Variants in CELSR3 observed in about 807,000 individuals in gnomAD.
CELSR3 encodes cadherin EGF LAG seven-pass G-type receptor 3.
In CELSR3, 73 loss-of-function variants were observed where a neutral mutation model predicts 270.0. The observed-to-expected ratio is 0.27, with a 90% CI of 0.22 to 0.33. The LOEUF (loss-of-function observed/expected upper bound fraction) is 0.33. Among genes scored for constraint, CELSR3 ranks in the 10% least tolerant of loss-of-function variants. The probability of loss-of-function intolerance (pLI) is 1.00; values close to 1 mark genes in which losing one functional copy is unlikely to be tolerated. For missense variants in CELSR3, 3,614 were observed against 4,533.8 expected (o/e 0.80, Z 5.83); for synonymous variants, 1,780 against 1,905.4 (o/e 0.93, Z 1.71).
Position 48,662,427 on chromosome 3 carries a change from C to T in CELSR3, c.208G>A (p.Val70Ile). 6.2e-7 allele frequency: 1 copy of T among 1,612,792 alleles called. No individual in the cohort carries two copies. The highest frequency in any genetic ancestry group is 8.5e-7 in the Non-Finnish European group (1 of 1,179,884). The change falls in exon 1 of 35, where the codon GTC becomes ATC. Residue 70 changes from valine (V) to isoleucine (I), a missense_variant. This residue lies in a region of CELSR3 where 470 missense variants were observed against 469.7 expected (regional missense o/e 1.00). Coordinates refer to ENST00000164024, the MANE Select transcript of CELSR3 (RefSeq NM_001407.3). The surrounding 1 kb of genome is among the most constrained non-coding windows in gnomAD (Gnocchi z 7.1). ...ALALCPESSGVREDGGPGLGV... is the reference protein window; with the variant it reads ...ALALCPESSGIREDGGPGLGV... ...AGGCCAGGCCCCCCATCCTCCCGGA[C>T]CCCGGAAGACTCCGGACAAAGAGCT...
Position 48,659,311 on chromosome 3 carries a change from C to G in CELSR3, c.3324G>C (p.Glu1108Asp). Residue 1108 changes from glutamate to aspartate, a missense_variant, in exon 1 of 35, where the codon GAG becomes GAC. Glu to Asp is a conservative substitution (Grantham distance 45). This residue lies in a region of CELSR3 where 1,331 missense variants were observed against 1,933.7 expected (regional missense o/e 0.69). Transcript: ENST00000164024. The surrounding 1 kb of genome is among the most constrained non-coding windows in gnomAD (Gnocchi z 8.1). Reference protein sequence around the residue: ...PNAHIMYQIVEGNIPELFQMD... With the variant: ...PNAHIMYQIVDGNIPELFQMD... The stretch of plus-strand genomic sequence containing the variant: ...TTTGGAACAGCTCAGGGATGTTCCC[C>G]TCCACGATCTGGTACATTATATGGG... 1 of 1,614,206 alleles carries G rather than the reference C, an allele frequency of 6.2e-7. No homozygotes were observed. The highest frequency in any genetic ancestry group is 8.5e-7 in the Non-Finnish European group (1 of 1,180,034).
Position 48,652,225 on chromosome 3 carries a change from G to A in CELSR3, c.5752-177C>T, listed in dbSNP as rs1226121895. 6.6e-6 allele frequency among the ~76,000 whole-genome samples: 1 copy of A among 152,186 alleles called. No homozygotes were observed. The highest frequency in any genetic ancestry group is 1.5e-5 in the Non-Finnish European group (1 of 68,028). ...ACCCCTGTGGGACCCTAATTGTGCT[G>A]TTTCTGACACAGATTCCTAAAGGCC... On this transcript the variant is annotated intron_variant, in intron 11 of 34. Transcript: ENST00000164024. This position sits in a 1 kb window ranked among gnomAD's most constrained non-coding sequence, Gnocchi z 4.3.
At position 48,650,948 on chromosome 3, in the gene CELSR3, C is replaced by T. The variant is rs571439600; in HGVS notation, c.6314G>A (p.Arg2105His). 1.2e-5 allele frequency: 19 copies of T among 1,611,672 alleles called. No homozygotes were observed. Among genetic ancestry groups the T allele is most frequent in the East Asian group, 6.7e-5 (3 of 44,868 alleles). Residue 2105 changes from arginine to histidine, a missense_variant, in exon 15 of 35, where the codon CGC becomes CAC. By Grantham distance (29) the Arg-to-His change is conservative. Around this residue, in one of 7 missense-constraint regions of CELSR3, gnomAD observed 1,331 missense variants for 1,933.7 expected, o/e 0.69. Transcript: ENST00000164024. The surrounding 1 kb of genome is among the most constrained non-coding windows in gnomAD (Gnocchi z 5.1). ...GGGACTGTCACAGCTGTTGCACTGG[C>T]GGCCAAGGGCTCCTGGGCGACAGGG... ...QCPCRPGALG[R>H]QCNSCDSPFA... is the part of the protein sequence containing the mutation.
Position 48,649,149 on chromosome 3 carries a change from G to A in CELSR3, c.6539C>T (p.Ser2180Phe). The A allele has an allele frequency of 6.2e-7, 1 of 1,612,746 alleles. No individual in the cohort carries two copies. The highest frequency in any genetic ancestry group is 8.5e-7 in the Non-Finnish European group (1 of 1,179,614). Residue 2180 changes from serine to phenylalanine, a missense_variant, in exon 17 of 35, where the codon TCC becomes TTC. Coordinates refer to ENST00000164024, the MANE Select transcript of CELSR3 (RefSeq NM_001407.3). The stretch of plus-strand genomic sequence containing the variant: ...CAGACTGAGCTCTCGAAAGGCAGGG[G>A]AGGTACAGTTGAAGAGGTCGGGCTC... ...WLEPDLFNCT[S>F]PAFRELSLLL...
chr3:48,659,627 C>A lies in CELSR3; in HGVS notation c.3008G>T (p.Gly1003Val). Reference protein sequence around the residue: ...NGRVQYTFQNGEDGDGDFTIE... With the variant: ...NGRVQYTFQNVEDGDGDFTIE... Reference sequence around the variant, plus strand: ...GGTAAAATCTCCATCCCCATCTTCACCATTCTGGAAAGTGTACTGGACCCG... The same window carrying A: ...GGTAAAATCTCCATCCCCATCTTCAACATTCTGGAAAGTGTACTGGACCCG... The change falls in exon 1 of 35, where the codon GGT becomes GTT. Residue 1003 changes from glycine (G) to valine (V), a missense_variant. By Grantham distance (109) the Gly-to-Val change is moderately radical. Around this residue, in one of 7 missense-constraint regions of CELSR3, gnomAD observed 1,331 missense variants for 1,933.7 expected, o/e 0.69. Transcript: ENST00000164024. The surrounding 1 kb of genome is among the most constrained non-coding windows in gnomAD (Gnocchi z 8.1). 1 of 1,614,214 alleles carries A rather than the reference C, an allele frequency of 6.2e-7. No homozygotes were observed. Among genetic ancestry groups the A allele is most frequent in the Non-Finnish European group, 8.5e-7 (1 of 1,180,046 alleles).
In CELSR3 at chr3:48,662,106, T is replaced by A. The variant is rs763050643; in HGVS notation, c.529A>T (p.Ile177Phe). 3 of 1,613,726 alleles carry A rather than the reference T, an allele frequency of 1.9e-6. No individual in the cohort carries two copies. In the South Asian group the frequency reaches 3.3e-5, roughly 18 times the overall value. Residue 177 changes from isoleucine to phenylalanine, a missense_variant, in exon 1 of 35, where the codon ATT (isoleucine) becomes TTT (phenylalanine). Ile to Phe is a conservative substitution (Grantham distance 21). This residue lies in a region of CELSR3 where 470 missense variants were observed against 469.7 expected (regional missense o/e 1.00). Coordinates refer to ENST00000164024, the MANE Select transcript of CELSR3 (RefSeq NM_001407.3). The surrounding 1 kb of genome is among the most constrained non-coding windows in gnomAD (Gnocchi z 7.1). ...ACCGGCTTGGGACCGTGGTGCCGAA[T>A]CAAAAAGTCTGAAGGGAGGGGCGAG... ...NSSPLPSDFL[I>F]RHHGPKPVSS...
chr3:48,649,961 C>T (rs2047122627), intron 16 of CELSR3, among the ~76,000 whole-genome samples: 1 of 150,392 alleles, frequency 6.6e-6, no homozygotes. Context: ...GGAGGGGCCC[C>T]CAAGCAGCAG....
rs2047147142 is a variant in CELSR3 at position 48,652,570 on chromosome 3, A to G, written c.5635-17T>C. On this transcript the variant is annotated splice_polypyrimidine_tract_variant and intron_variant, in intron 10 of 34. Coordinates refer to ENST00000164024, the MANE Select transcript of CELSR3 (RefSeq NM_001407.3). The surrounding 1 kb of genome is among the most constrained non-coding windows in gnomAD (Gnocchi z 4.3). ...CATGGTGTCCTGGAGGAAGTGGGGC[A>G]GTCAGCACTGAGGGAGAGGGGCCTG... 6.3e-7 allele frequency: 1 copy of G among 1,581,162 alleles called. No individual in the cohort carries two copies.
Position 48,648,680 on chromosome 3 carries a change from G to C in CELSR3, c.6777+39C>G, listed in dbSNP as rs1575541924. ...ATCCAGGGGCAGGAGGCTGGGAGCT[G>C]GGGGGCCAAGGCACTGAGAACATAG... On this transcript the variant is annotated intron_variant, in intron 18 of 34. Coordinates refer to ENST00000164024, the MANE Select transcript of CELSR3 (RefSeq NM_001407.3). The C allele has an allele frequency of 1.9e-6, 3 of 1,587,582 alleles. No homozygotes were observed. The Admixed American group carries it at 5.0e-5, about 27-fold the overall frequency.
At position 48,645,101 on chromosome 3, in the gene CELSR3, T is replaced by C; in HGVS notation, c.7906A>G (p.Asn2636Asp). The C allele has an allele frequency of 6.2e-7, 1 of 1,604,554 alleles. No individual in the cohort carries two copies. The change falls in exon 25 of 35, where the codon AAC becomes GAC. Residue 2636 changes from asparagine (N) to aspartate (D), a missense_variant. Physicochemically the swap from Asn to Asp is conservative, Grantham distance 23. Around this residue, in one of 7 missense-constraint regions of CELSR3, gnomAD observed 1,240 missense variants for 1,351.7 expected, o/e 0.92. Coordinates refer to ENST00000164024, the MANE Select transcript of CELSR3 (RefSeq NM_001407.3). This position sits in a 1 kb window ranked among gnomAD's most constrained non-coding sequence, Gnocchi z 5.4. ...AAGCGCATGGCGCCGCGGTCCACGT[T>C]GCGTGGCTCAACCTGCATGCGGTAG... is the stretch of plus-strand genomic sequence containing the variant. ...HLYRMQVEPR[N>D]VDRGAMRFYH...
Position 48,659,510 on chromosome 3 carries a change from C to T in CELSR3, c.3125G>A (p.Arg1042Lys). Reference sequence around the variant, plus strand: ...TGGAGTCCGGAGTGGGGGCACACCTCTGTCCACTGCGTAGGCAGTCAACTC... The same window carrying T: ...TGGAGTCCGGAGTGGGGGCACACCTTTGTCCACTGCGTAGGCAGTCAACTC... ...VYELTAYAVD[R>K]GVPPLRTPVS... The change falls in exon 1 of 35, where the codon AGA (arginine) becomes AAA (lysine). Residue 1042 changes from arginine to lysine, a missense_variant. Physicochemically the swap from Arg to Lys is conservative, Grantham distance 26. Around this residue, in one of 7 missense-constraint regions of CELSR3, gnomAD observed 1,331 missense variants for 1,933.7 expected, o/e 0.69. Transcript: ENST00000164024. This position sits in a 1 kb window ranked among gnomAD's most constrained non-coding sequence, Gnocchi z 8.1. The T allele has an allele frequency of 6.2e-7, 1 of 1,614,228 alleles. No individual in the cohort carries two copies.
Position 48,655,188 on chromosome 3 carries a change from G to A in CELSR3, c.4844C>T (p.Ala1615Val). Residue 1615 changes from alanine (A) to valine (V), a missense_variant, in exon 6 of 35, where the codon GCC (alanine) becomes GTC (valine). This residue lies in a region of CELSR3 where 1,331 missense variants were observed against 1,933.7 expected (regional missense o/e 0.69). Coordinates refer to ENST00000164024, the MANE Select transcript of CELSR3 (RefSeq NM_001407.3). The surrounding 1 kb of genome is among the most constrained non-coding windows in gnomAD (Gnocchi z 5.8). ...GGAGGGGCCCTGTGCACCCCCTAGG[G>A]CATCTGTCCGGGGCTGAAGACGCAG... is the stretch of plus-strand genomic sequence containing the variant. ...LRYYNKPRTD[A>V]LGGAQGPSKD... 6.2e-7 allele frequency: 1 copy of A among 1,613,960 alleles called. No homozygotes were observed. Among genetic ancestry groups the A allele is most frequent in the African/African-American group, 1.3e-5 (1 of 74,988 alleles).
At chr3:48,638,909 C>T (rs1222032770) in intron 34 of CELSR3, among the ~76,000 whole-genome samples, 1 of 151,362 alleles carries the variant, frequency 6.6e-6, no homozygotes, top group Non-Finnish European at 1.5e-5. Flanking sequence ...CTCCCCAAGC[C>T]ATCTCTTACC....
Position 48,659,091 on chromosome 3 carries a change from T to C in CELSR3, c.3544A>G (p.Asn1182Asp). ...FQILFNNYVS[N>D]RSDTFPSGII... ...CCCGACGGGAAGGTGTCTGAACGGT[T>C]GGATACATAGTTGTTGAAGAGGATC... The change falls in exon 1 of 35, where the codon AAC (asparagine) becomes GAC (aspartate). Residue 1182 changes from asparagine (N) to aspartate (D), a missense_variant. Physicochemically the swap from Asn to Asp is conservative, Grantham distance 23. Around this residue, in one of 7 missense-constraint regions of CELSR3, gnomAD observed 1,331 missense variants for 1,933.7 expected, o/e 0.69. Coordinates refer to ENST00000164024, the MANE Select transcript of CELSR3 (RefSeq NM_001407.3). The surrounding 1 kb of genome is among the most constrained non-coding windows in gnomAD (Gnocchi z 8.1). 2 of 1,614,222 alleles carry C rather than the reference T, an allele frequency of 1.2e-6. No homozygotes were observed. The highest frequency in any genetic ancestry group is 1.7e-6 in the Non-Finnish European group (2 of 1,180,048).
chr3:48,660,049 G>A lies in CELSR3; in HGVS notation c.2586C>T (p.His862=), dbSNP rs753810740. Residue 862 remains histidine, a synonymous_variant, in exon 1 of 35, where the codon CAC becomes CAT. Coordinates refer to ENST00000164024, the MANE Select transcript of CELSR3 (RefSeq NM_001407.3). The surrounding 1 kb of genome is among the most constrained non-coding windows in gnomAD (Gnocchi z 5.5). The part of the protein sequence containing the change: ...NTHRPVFQSA[H]YSVSVNEDRP... Reference sequence around the variant, plus strand: ...GATCTTCATTCACACTCACTGAGTAGTGGGCACTTTGAAAGACCGGCCGAT... The same window carrying A: ...GATCTTCATTCACACTCACTGAGTAATGGGCACTTTGAAAGACCGGCCGAT... 1 of 1,614,242 alleles carries A rather than the reference G, an allele frequency of 6.2e-7. No homozygotes were observed. The highest frequency in any genetic ancestry group is 1.1e-5 in the South Asian group (1 of 91,090).
At position 48,640,053 on chromosome 3, in the gene CELSR3, G is replaced by A. The variant is rs758292109; in HGVS notation, c.9532C>T (p.Arg3178Trp). The A allele has an allele frequency of 5.6e-6, 9 of 1,610,442 alleles. No homozygotes were observed. The highest frequency in any genetic ancestry group is 4.2e-6 in the Non-Finnish European group (5 of 1,179,646). Reference protein sequence around the residue: ...QPPPLPLSPQRQLSRDPLLPS... With the variant: ...QPPPLPLSPQWQLSRDPLLPS... ...AAGAGGGGGTCCCTTGAGAGTTGCCGCTGGGGAGACAGGGGCAGAGGTGGG... is the reference window on the plus strand; with the variant it reads ...AAGAGGGGGTCCCTTGAGAGTTGCCACTGGGGAGACAGGGGCAGAGGTGGG... The change falls in exon 34 of 35, where the codon CGG becomes TGG. Residue 3178 changes from arginine to tryptophan, a missense_variant. By Grantham distance (101) the Arg-to-Trp change is moderately radical (BLOSUM62 -3). Coordinates refer to ENST00000164024, the MANE Select transcript of CELSR3 (RefSeq NM_001407.3). This position sits in a 1 kb window ranked among gnomAD's most constrained non-coding sequence, Gnocchi z 7.5.
Position 48,639,605 on chromosome 3 carries a change from C to T in CELSR3, c.9911+69G>A. On this transcript the variant is annotated intron_variant, in intron 34 of 34. Transcript: ENST00000164024. The surrounding 1 kb of genome is among the most constrained non-coding windows in gnomAD (Gnocchi z 4.1). ...CCTCATCCCCTTCTGTGGCAGAACACAGGGCAGGGCACACAGGAGGTTGCC... is the reference window on the plus strand; with the variant it reads ...CCTCATCCCCTTCTGTGGCAGAACATAGGGCAGGGCACACAGGAGGTTGCC... 6.4e-7 allele frequency: 1 copy of T among 1,569,784 alleles called. No homozygotes were observed. Among genetic ancestry groups the T allele is most frequent in the Non-Finnish European group, 8.7e-7 (1 of 1,154,264 alleles).
chr3:48,648,228 C>T, intron 19 of CELSR3, 38 bp downstream of exon 19: 3 of 1,567,662 alleles, frequency 1.9e-6, no homozygotes, highest in Non-Finnish European at 2.6e-6. Context: ...TTTCATGGCC[C>T]CCCTGCTGTG....
Position 48,647,941 on chromosome 3 carries a change from G to A in CELSR3, c.7029C>T (p.Tyr2343=), listed in dbSNP as rs372584632. The A allele has an allele frequency of 7.4e-6, 12 of 1,612,050 alleles. No homozygotes were observed. The African/African-American group carries it at 1.3e-4, about 18-fold the overall frequency. ...GAAAGAGGTTGCTATGGTAGCGAGGGTAGCGACGGGCCCCCCGGGGAGAAC... is the reference window on the plus strand; with the variant it reads ...GAAAGAGGTTGCTATGGTAGCGAGGATAGCGACGGGCCCCCCGGGGAGAAC... ...HPSSPRGARR[Y]PRYHSNLFRG... is the part of the protein sequence containing the mutation. The change falls in exon 20 of 35, where the codon TAC becomes TAT. Residue 2343 remains tyrosine, a synonymous_variant. Coordinates refer to ENST00000164024, the MANE Select transcript of CELSR3 (RefSeq NM_001407.3).
Sources: allele counts gnomAD v4.1 joint callset (sites outside exome capture counted in the v4.1 genomes callset), GRCh38; gene constraint gnomAD v4.1.1; regional missense constraint gnomAD v4.1.1; non-coding constraint Gnocchi (gnomAD v3.1); transcripts MANE v1.5; gene names NCBI Gene and HGNC (gene_info 2026-07-23, HGNC 2026-07-21).